The following PTPRQ variants were observed in gnomAD, a reference collection of about 807,000 sequenced individuals.
PTPRQ encodes the protein phosphatidylinositol phosphatase PTPRQ.
In PTPRQ, 199 loss-of-function variants were observed where a neutral mutation model predicts 246.0. The ratio of observed to expected loss-of-function variants is 0.81; its 90% CI spans 0.72 to 0.91. The LOEUF is 0.91. Ranked by LOEUF, PTPRQ falls within the 40% of genes least tolerant of loss-of-function variation. PTPRQ has a pLI of 0.00. For synonymous variants in PTPRQ, 869 were observed against 853.2 expected, an observed-to-expected ratio of 1.02 and a Z score of -0.32; for missense variants, 2,624 against 2,528.4, an observed-to-expected ratio of 1.04 and a Z score of -0.81.
Position 80,605,055 on chromosome 12 carries a change from A to C in PTPRQ, c.4610-4A>C. On this transcript the variant is annotated splice_polypyrimidine_tract_variant and splice_region_variant and intron_variant, in intron 26 of 44. Coordinates refer to ENST00000644991, the MANE Select transcript of PTPRQ (RefSeq NM_001145026.2). ...GCTAGATAATTAATTTTCTATTGTCATAGCTCCAGATGGTCCTCCTGAAAA... is the reference window on the plus strand; with the variant it reads ...GCTAGATAATTAATTTTCTATTGTCCTAGCTCCAGATGGTCCTCCTGAAAA... 1 of 1,538,548 alleles carries C rather than the reference A, an allele frequency of 6.5e-7. No individual in the cohort carries two copies. The highest frequency in any genetic ancestry group is 8.8e-7 in the Non-Finnish European group (1 of 1,140,136).
chr12:80,457,531 C>T (rs1893017582), intron 3 of PTPRQ, 44 bp from the exon 4 acceptor site: 1 of 399,854 alleles, frequency 2.5e-6, no homozygotes, highest in South Asian at 1.3e-4. Context: ...TCTCTTTTTT[C>T]AGGGAGTAAA....
chr12:80,568,314 G>A (rs1392483162), intron 25 of PTPRQ, among the ~76,000 whole-genome samples: 1 of 152,090 alleles, frequency 6.6e-6, no homozygotes, highest in Non-Finnish European at 1.5e-5. Flanking sequence ...ATGTTACAGA[G>A]AGGGCCTCTT....
intron 23 of PTPRQ, 99 bp downstream of exon 23, chr12:80,542,980 A>G (rs1896200365): frequency 1.2e-6 from 1 of 847,448 alleles, no homozygotes; most frequent in Non-Finnish European, 1.7e-6. Flanking sequence ...AAATTAAACA[A>G]TGACTATTTT....
rs761218427 is a variant in PTPRQ at position 80,670,482 on chromosome 12, G to T, written c.6592G>T (p.Val2198Phe). The change falls in exon 42 of 45, where the codon GTT (valine) becomes TTT (phenylalanine). Residue 2198 changes from valine to phenylalanine, a missense_variant. Coordinates refer to ENST00000644991, the MANE Select transcript of PTPRQ (RefSeq NM_001145026.2). Reference sequence around the variant, plus strand: ...GGCACATGACACCACACCTATGATTGTTCACTGCAGGTGAGAAAGTGATCA... The same window carrying T: ...GGCACATGACACCACACCTATGATTTTTCACTGCAGGTGAGAAAGTGATCA... ...SRAHDTTPMI[V>F]HCSAGVGRTG... The T allele has an allele frequency of 3.9e-6, 6 of 1,546,200 alleles. No homozygotes were observed. In the African/African-American group the frequency reaches 8.3e-5, roughly 21 times the overall value.
chr12:80,670,848 C>T (rs1382663749), intron 42 of PTPRQ, among the ~76,000 whole-genome samples: 1 of 151,892 alleles, frequency 6.6e-6, no homozygotes, highest in African/African-American at 2.4e-5. Flanking sequence ...GGGTACAGAC[C>T]TTCTATTTGG....
chr12:80,604,136 G>A (rs1018783109), intron 26 of PTPRQ, among the ~76,000 whole-genome samples: 12 of 151,456 alleles, frequency 7.9e-5, no homozygotes, highest in Non-Finnish European at 7.4e-5. Flanking sequence ...CTGTGGGATA[G>A]TACTTTTTCA....
chr12:80,659,112 G>T (rs890627747), intron 39 of PTPRQ, among the ~76,000 whole-genome samples: 1 of 152,002 alleles, frequency 6.6e-6, no homozygotes, highest in Non-Finnish European at 1.5e-5. Flanking sequence ...TTTAACCAGA[G>T]AAGTGAAGGA....
chr12:80,599,114 A>C (rs1037700081), intron 26 of PTPRQ, among the ~76,000 whole-genome samples: 5 of 151,962 alleles, frequency 3.3e-5, no homozygotes, highest in Non-Finnish European at 7.4e-5. Context: ...TAACACACTC[A>C]GCATCAAGAC....
At chr12:80,602,933 A>G (rs997523076) in intron 26 of PTPRQ, among the ~76,000 whole-genome samples, 1 of 151,746 alleles carries the variant, frequency 6.6e-6, no homozygotes, top group African/African-American at 2.4e-5. Flanking sequence ...TTCCAAGCTC[A>G]TCTTTCCATT....
intron 24 of PTPRQ, among the ~76,000 whole-genome samples, chr12:80,548,246 T>C (rs1257401450): frequency 6.7e-6 from 1 of 148,988 alleles, no homozygotes; most frequent in African/African-American, 2.6e-5. Flanking sequence ...AATGGTTAAT[T>C]TTTTTTTGAG....
intron 25 of PTPRQ, among the ~76,000 whole-genome samples, chr12:80,580,238 T>C (rs1407755871): frequency 6.6e-6 from 1 of 152,198 alleles, no homozygotes; most frequent in African/African-American, 2.4e-5. Context: ...ATTTCAACCA[T>C]GATGAAAGTA....
intron 19 of PTPRQ, among the ~76,000 whole-genome samples, chr12:80,539,479 A>G (rs565590061): frequency 4.6e-5 from 7 of 152,278 alleles, no homozygotes; most frequent in African/African-American, 1.7e-4. Context: ...GCTGATCAGC[A>G]CAGTTGTAGC....
intron 41 of PTPRQ, 136 bp downstream of exon 41, chr12:80,669,600 G>C (rs1350636199): frequency 7.8e-7 from 1 of 1,284,332 alleles, no homozygotes; most frequent in Non-Finnish European, 1.0e-6. Flanking sequence ...ATTGTCTTCT[G>C]AACAGAATTT....
chr12:80,482,354 C>T (rs1257293570), intron 8 of PTPRQ, among the ~76,000 whole-genome samples: 7 of 152,102 alleles, frequency 4.6e-5, no homozygotes, highest in South Asian at 2.1e-4. Flanking sequence ...CCCTTCCTTA[C>T]ACCTTATACA....
chr12:80,483,947 C>A (rs183635596), intron 8 of PTPRQ, among the ~76,000 whole-genome samples: 1 of 151,838 alleles, frequency 6.6e-6, no homozygotes, highest in Non-Finnish European at 1.5e-5. Flanking sequence ...TAATTTTTAA[C>A]AAAATAAATT....
chr12:80,475,370 A>AT (rs1290550704), intron 8 of PTPRQ, among the ~76,000 whole-genome samples: 5 of 151,994 alleles, frequency 3.3e-5, no homozygotes, highest in Admixed American at 6.6e-5. Context: ...AAAATGTGAG[A>AT]TTTTTTTGGC....
intron 43 of PTPRQ, among the ~76,000 whole-genome samples, chr12:80,678,024 GT>G (rs2121303532): frequency 6.6e-6 from 1 of 152,198 alleles, no homozygotes; most frequent in South Asian, 2.1e-4. Context: ...AGATGCAATG[GT>G]AGGAGTCCTT....
Position 80,630,291 on chromosome 12 carries a change from G to A in PTPRQ, c.5687-1901G>A, listed in dbSNP as rs78277620. 6.3e-3 allele frequency among the ~76,000 whole-genome samples: 963 copies of A among 151,914 alleles called. 10 individuals are homozygous for A. The highest frequency in any genetic ancestry group is 0.022 in the African/African-American group (920 of 41,416). On this transcript the variant is annotated intron_variant, in intron 33 of 44. Transcript: ENST00000644991. ...CTGAAGCAATCAGATAGGTTGTCAC[G>A]TAGGAAGTCCCATATTTTGGATCTG...
chr12:80,483,612 T>G (rs1894158318), intron 8 of PTPRQ, among the ~76,000 whole-genome samples: 1 of 152,184 alleles, frequency 6.6e-6, no homozygotes, highest in Non-Finnish European at 1.5e-5. Flanking sequence ...TACTTTCAGT[T>G]CTGGGGTACA....
Sources: allele counts gnomAD v4.1 joint callset (sites outside exome capture counted in the v4.1 genomes callset), GRCh38; gene constraint gnomAD v4.1.1; transcripts MANE v1.5; gene names NCBI Gene and HGNC (gene_info 2026-07-23, HGNC 2026-07-21).